GRID1: variants seen among roughly 807,000 people sequenced by gnomAD.
GRID1 encodes glutamate ionotropic receptor delta type subunit 1, also known as glutamate receptor ionotropic, delta-1.
A neutral mutation model predicts 98.0 loss-of-function variants in GRID1; 28 were observed. The ratio of observed to expected loss-of-function variants is 0.29; its 90% confidence interval spans 0.21 to 0.39. The LOEUF is 0.39. Among genes scored for constraint, GRID1 ranks in the 10% least tolerant of loss-of-function variants. The probability of loss-of-function intolerance (pLI) is 1.00; values close to 1 mark genes in which losing one functional copy is unlikely to be tolerated. For missense variants in GRID1, 1,111 were observed against 1,340.5 expected, an observed-to-expected ratio of 0.83 and a Z score of 2.67; for synonymous variants, 553 against 538.5, an observed-to-expected ratio of 1.03 and a Z score of -0.37.
intron 4 of GRID1, among the ~76,000 whole-genome samples, chr10:86,097,638 G>A (rs1188942081): frequency 6.6e-6 from 1 of 150,928 alleles, no homozygotes; most frequent in African/African-American, 2.5e-5. Context: ...AAATGCCCAG[G>A]ATATATAGCT....
intron 4 of GRID1, among the ~76,000 whole-genome samples, chr10:86,003,096 CAGA>C (rs1842820115): frequency 6.6e-6 from 1 of 152,194 alleles, no homozygotes; most frequent in African/African-American, 2.4e-5. Flanking sequence ...CAATGAAGCC[CAGA>C]ACCAGACTAA....
intron 4 of GRID1, among the ~76,000 whole-genome samples, chr10:86,039,781 C>G (rs919093804): frequency 2.0e-5 from 3 of 152,218 alleles, no homozygotes; most frequent in African/African-American, 7.2e-5. Flanking sequence ...AGCTCCAAAA[C>G]AGGTCTTTAA....
At chr10:85,904,784 A>G (rs1408525407) in intron 5 of GRID1, among the ~76,000 whole-genome samples, 1 of 152,046 alleles carries the variant, frequency 6.6e-6, no homozygotes, top group African/African-American at 2.4e-5. Context: ...ACTGAATCTG[A>G]ACACATAACA....
chr10:86,288,606 G>C (rs1309126293), intron 2 of GRID1, among the ~76,000 whole-genome samples: 1 of 152,164 alleles, frequency 6.6e-6, no homozygotes, highest in Non-Finnish European at 1.5e-5. Flanking sequence ...TGCGTTCTGG[G>C]GGAAAAGTAG....
At chr10:85,851,777 C>G (rs1290508961) in intron 8 of GRID1, among the ~76,000 whole-genome samples, 4 of 152,188 alleles carry the variant, frequency 2.6e-5, no homozygotes, top group Admixed American at 6.5e-5. Flanking sequence ...CTTGCATGGC[C>G]AAGAGAGCTG....
intron 8 of GRID1, among the ~76,000 whole-genome samples, chr10:85,785,780 C>T (rs1842422202): frequency 6.6e-6 from 1 of 152,100 alleles, no homozygotes; most frequent in Non-Finnish European, 1.5e-5. Flanking sequence ...AAATCAGGAA[C>T]TTTATGTGAC....
intron 4 of GRID1, among the ~76,000 whole-genome samples, chr10:85,934,922 TA>T (rs1239217925): frequency 6.6e-6 from 1 of 152,214 alleles, no homozygotes; most frequent in Admixed American, 6.5e-5. Flanking sequence ...CTCGGTACTT[TA>T]AGGCCTCCAG....
chr10:85,599,802 A>AAAAAAAAAAAAATATATATATATATAT lies in GRID1; in HGVS notation c.*2470_*2471insATATATATATATATATTTTTTTTTTTT. On this transcript the variant is annotated 3_prime_UTR_variant, in exon 16 of 16. Coordinates refer to ENST00000327946, the MANE Select transcript of GRID1 (RefSeq NM_017551.3). ...GTAGAAAATTCTAAAAAAAAAAAAA[A>AAAAAAAAAAAAATATATATATATATAT]ATATATATATATATATATAAACATG... 1 of 65,000 alleles carries AAAAAAAAAAAAATATATATATATATAT rather than the reference A, an allele frequency of 1.5e-5. No individual in the cohort carries two copies. Among genetic ancestry groups the AAAAAAAAAAAAATATATATATATATAT allele is most frequent in the African/African-American group, 9.3e-5 (1 of 10,730 alleles). The allele number at this position is 65,000 out of a possible 1,614,324, so 4.0% of individuals were successfully genotyped here.
chr10:86,163,489 T>C lies in GRID1; in HGVS notation c.521-24465A>G, dbSNP rs74148949. 7.4e-3 allele frequency among the ~76,000 whole-genome samples: 1,128 copies of C among 152,020 alleles called. 11 individuals carry two copies. Among genetic ancestry groups the C allele is most frequent in the African/African-American group, 0.026 (1,071 of 41,410 alleles). ...CAGGTTTGCTACATATGTATACATATGCCATGTTGGGATGCTGCACCCGTT... is the reference window on the plus strand; with the variant it reads ...CAGGTTTGCTACATATGTATACATACGCCATGTTGGGATGCTGCACCCGTT... On this transcript the variant is annotated intron_variant, in intron 3 of 15. Transcript: ENST00000327946.
intron 4 of GRID1, among the ~76,000 whole-genome samples, chr10:86,062,574 C>T (rs1843664405): frequency 6.6e-6 from 1 of 152,200 alleles, no homozygotes; most frequent in Non-Finnish European, 1.5e-5. Flanking sequence ...TAGACAAATG[C>T]CTACCTTGCT....
Position 85,905,713 on chromosome 10 carries a change from T to C in GRID1, c.780+10473A>G, listed in dbSNP as rs577400848. On this transcript the variant is annotated intron_variant, in intron 5 of 15. Transcript: ENST00000327946. ...AAAGTAGATGGTGGTGAATTAAAGA[T>C]GTATACTATAAATCCTAAGCAACTA... Among the ~76,000 whole-genome samples the C allele has an allele frequency of 7.1e-4, 108 of 152,246 alleles. No homozygotes were observed. The South Asian group carries it at 0.022, about 31-fold the overall frequency.
chr10:85,725,477 G>A (rs1364541737), intron 10 of GRID1, among the ~76,000 whole-genome samples: 1 of 152,156 alleles, frequency 6.6e-6, no homozygotes, highest in African/African-American at 2.4e-5. Flanking sequence ...ACCCCATTAA[G>A]ATGGATCCAG....
intron 6 of GRID1, 103 bp from the exon 7 acceptor site, chr10:85,856,293 C>T (rs1590267437): frequency 2.0e-6 from 2 of 1,008,008 alleles, no homozygotes; most frequent in South Asian, 3.0e-5. Flanking sequence ...CAACATTAAG[C>T]TGTGGTGCCC....
intron 13 of GRID1, among the ~76,000 whole-genome samples, chr10:85,629,932 G>T (rs763860581): frequency 6.6e-6 from 1 of 151,966 alleles, no homozygotes; most frequent in Admixed American, 6.6e-5. Context: ...TCTCACTGTC[G>T]GTCTAATTAG....
chr10:86,309,246 G>T (rs1468198983), intron 2 of GRID1, among the ~76,000 whole-genome samples: 1 of 152,108 alleles, frequency 6.6e-6, no homozygotes, highest in African/African-American at 2.4e-5. Flanking sequence ...AGTGAAAAAT[G>T]GGGTCCAGAT....
At chr10:85,800,897 G>A (rs1842569707) in intron 8 of GRID1, among the ~76,000 whole-genome samples, 1 of 151,906 alleles carries the variant, frequency 6.6e-6, no homozygotes, top group Admixed American at 6.6e-5. Context: ...GTAATTGCTG[G>A]AGCCAGAATC....
At chr10:86,245,963 G>A (rs1035585354) in intron 2 of GRID1, among the ~76,000 whole-genome samples, 1 of 152,188 alleles carries the variant, frequency 6.6e-6, no homozygotes, top group South Asian at 2.1e-4. Context: ...GAGTGTGCAC[G>A]CATACTCCCA....
chr10:86,132,881 GGA>G (rs1844859355), intron 4 of GRID1, among the ~76,000 whole-genome samples: 1 of 152,224 alleles, frequency 6.6e-6, no homozygotes, highest in Admixed American at 6.5e-5. Flanking sequence ...AGCCAATCTG[GGA>G]GAGGTGTTGG....
At chr10:86,272,166 T>C (rs1181530305) in intron 2 of GRID1, among the ~76,000 whole-genome samples, 1 of 152,132 alleles carries the variant, frequency 6.6e-6, no homozygotes, top group Non-Finnish European at 1.5e-5. Context: ...TAGATTTTTA[T>C]ACCATGAAAA....
Sources: allele counts gnomAD v4.1 joint callset (sites outside exome capture counted in the v4.1 genomes callset), GRCh38; gene constraint gnomAD v4.1.1; transcripts MANE v1.5; gene names NCBI Gene and HGNC (gene_info 2026-07-23, HGNC 2026-07-21).